Variants in TMEM45A observed in about 807,000 individuals in gnomAD.
The protein encoded by TMEM45A is DNA polymerase-transactivated protein 4.
In TMEM45A, 25 loss-of-function variants were observed where a neutral mutation model predicts 32.0. That is an observed-to-expected ratio of 0.78 (90% CI 0.57 to 1.09). The LOEUF (loss-of-function observed/expected upper bound fraction) is 1.09, where lower values mean the gene tolerates loss of function less well. Ranked by LOEUF, TMEM45A falls within the 50% of genes least tolerant of loss-of-function variation. The pLI, the probability that TMEM45A is intolerant of heterozygous loss-of-function variation, is 0.00. For missense variants in TMEM45A, 302 were observed against 325.0 expected (o/e 0.93, Z 0.54); for synonymous variants, 122 against 114.8 (o/e 1.06, Z -0.40).
chr3:100,519,593 A>G, intron 1 of TMEM45A: 1 of 1,551,046 alleles, frequency 6.4e-7, no homozygotes, highest in Admixed American at 2.0e-5. Flanking sequence ...GGAAAATGGG[A>G]TTTAAACACC....
chr3:100,502,268 A>C (rs62276526), intron 1 of TMEM45A, among the ~76,000 whole-genome samples: 30,752 of 150,432 alleles, frequency 0.2, 3,379 homozygotes, highest in East Asian at 0.33. Flanking sequence ...TTGAGGATCC[A>C]TGTCTTTCTT....
chr3:100,510,018 GC>G (rs533882991), intron 1 of TMEM45A, among the ~76,000 whole-genome samples: 1,854 of 152,316 alleles, frequency 0.012, 25 homozygotes, highest in African/African-American at 0.041. Flanking sequence ...AGATCAAACT[GC>G]AAGGTGGCAG....
chr3:100,567,028 T>C (rs1706455484), intron 4 of TMEM45A, among the ~76,000 whole-genome samples: 1 of 152,080 alleles, frequency 6.6e-6, no homozygotes, highest in African/African-American at 2.4e-5. Flanking sequence ...TGATGGTGCT[T>C]TTGGTGTCGT....
chr3:100,565,000 G>A (rs1706400990), intron 4 of TMEM45A, among the ~76,000 whole-genome samples: 1 of 152,146 alleles, frequency 6.6e-6, no homozygotes, highest in South Asian at 2.1e-4. Context: ...CCTTCGTATT[G>A]CCCCATATGG....
chr3:100,558,399 C>T lies in TMEM45A; in HGVS notation c.404-6C>T. 1 of 1,612,484 alleles carries T rather than the reference C, an allele frequency of 6.2e-7. No individual in the cohort carries two copies. Among genetic ancestry groups the T allele is most frequent in the Non-Finnish European group, 8.5e-7 (1 of 1,179,918 alleles). On this transcript the variant is annotated splice_region_variant and splice_polypyrimidine_tract_variant and intron_variant, in intron 3 of 5. Transcript: ENST00000323523. Reference sequence around the variant, plus strand: ...TGAAAAAGACAATCTGTTTTTTCCCCATCAGCCTTTATCTTCTACAACCAC... The same window carrying T: ...TGAAAAAGACAATCTGTTTTTTCCCTATCAGCCTTTATCTTCTACAACCAC...
In TMEM45A at chr3:100,548,442, C is replaced by G. The variant is rs1230218807; in HGVS notation, c.-3-6767C>G. 8.5e-5 allele frequency among the ~76,000 whole-genome samples: 13 copies of G among 152,200 alleles called. No individual in the cohort carries two copies. The East Asian group carries it at 2.3e-3, about 27-fold the overall frequency. ...TGCTAAGCTGAGAGTGAACGAGAAG[C>G]TCTCTTGCAGACCAGAGCTCTCACT... On this transcript the variant is annotated intron_variant, in intron 1 of 5. Coordinates refer to ENST00000323523, the MANE Select transcript of TMEM45A (RefSeq NM_018004.3).
intron 1 of TMEM45A, among the ~76,000 whole-genome samples, chr3:100,537,847 GA>G (rs1705773482): frequency 1.0e-5 from 1 of 97,636 alleles, no homozygotes; most frequent in African/African-American, 2.8e-5. Flanking sequence ...ACTGCATTTT[GA>G]CTGTACATTG....
intron 1 of TMEM45A, among the ~76,000 whole-genome samples, chr3:100,499,875 C>T (rs7429689): frequency 0.077 from 11,667 of 152,146 alleles, 1,507 homozygotes; most frequent in African/African-American, 0.27. Flanking sequence ...GACAAACAAA[C>T]CAACCAACCC....
intron 1 of TMEM45A, among the ~76,000 whole-genome samples, chr3:100,534,918 C>T (rs1705713783): frequency 6.6e-6 from 1 of 151,946 alleles, no homozygotes; most frequent in South Asian, 2.1e-4. Flanking sequence ...ACACACCTCA[C>T]AGATGCACTC....
intron 1 of TMEM45A, among the ~76,000 whole-genome samples, chr3:100,528,190 A>G (rs1277741102): frequency 6.6e-6 from 1 of 152,224 alleles, no homozygotes; most frequent in Non-Finnish European, 1.5e-5. Context: ...AAGGACAGGA[A>G]CTAAAAACAT....
chr3:100,551,287 A>G (rs1308675443), intron 1 of TMEM45A, among the ~76,000 whole-genome samples: 3 of 152,138 alleles, frequency 2.0e-5, no homozygotes, highest in African/African-American at 7.2e-5. Context: ...TGCTGGGATT[A>G]CAGGCTTGAG....
chr3:100,542,350 A>T (rs1185306792), intron 1 of TMEM45A, among the ~76,000 whole-genome samples: 1 of 152,184 alleles, frequency 6.6e-6, no homozygotes, highest in Non-Finnish European at 1.5e-5. Context: ...TACTAGAAGG[A>T]TCGTAGAAGA....
At position 100,555,365 on chromosome 3, in the gene TMEM45A, T is replaced by G; in HGVS notation, c.154T>G (p.Leu52Val). Residue 52 changes from leucine (L) to valine (V), a missense_variant, in exon 2 of 6, where the codon TTG (leucine) becomes GTG (valine). Leu to Val is a conservative substitution (Grantham distance 32, BLOSUM62 1). Transcript: ENST00000323523. ...AACATTATTCTATCGATTGGAAATT[T>G]TGGAGGGAATTACAATAGTTGGCAT... Reference protein sequence around the residue: ...SKTLFYRLEILEGITIVGMAL... With the variant: ...SKTLFYRLEIVEGITIVGMAL... The G allele has an allele frequency of 6.2e-7, 1 of 1,613,968 alleles. No homozygotes were observed. Among genetic ancestry groups the G allele is most frequent in the Non-Finnish European group, 8.5e-7 (1 of 1,179,920 alleles).
chr3:100,502,939 T>A (rs1236765381), intron 1 of TMEM45A, among the ~76,000 whole-genome samples: 1 of 151,940 alleles, frequency 6.6e-6, no homozygotes, highest in Non-Finnish European at 1.5e-5. Context: ...AGAGGAAGAA[T>A]GGGGAGTTCT....
At position 100,568,696 on chromosome 3, in the gene TMEM45A, A is replaced by G. The variant is rs560690729; in HGVS notation, c.589-126A>G. On this transcript the variant is annotated intron_variant, in intron 4 of 5. Transcript: ENST00000323523. Reference sequence around the variant, plus strand: ...AACAGGCAGCAAAACCTGATGTTTTATCTGTTACATCTTAGATAATTGGAG... The same window carrying G: ...AACAGGCAGCAAAACCTGATGTTTTGTCTGTTACATCTTAGATAATTGGAG... 7.6e-5 allele frequency: 61 copies of G among 804,388 alleles called. No individual in the cohort carries two copies. In the African/African-American group the frequency reaches 1.0e-3, roughly 13 times the overall value. 49.8% of individuals were successfully genotyped at this position (804,388 alleles called of 1,614,324 possible). A position where few individuals can be genotyped will look rare whatever the true frequency, so the allele number is the denominator to read the frequency against.
chr3:100,525,706 G>T (rs1559640557), intron 1 of TMEM45A, among the ~76,000 whole-genome samples: 1 of 152,188 alleles, frequency 6.6e-6, no homozygotes, highest in African/African-American at 2.4e-5. Context: ...GCCTTCCGGG[G>T]AGTATTTCTT....
At chr3:100,495,744 G>A (rs1286641353) in intron 1 of TMEM45A, among the ~76,000 whole-genome samples, 4 of 152,072 alleles carry the variant, frequency 2.6e-5, no homozygotes, top group Non-Finnish European at 5.9e-5. Context: ...TCTGTGTTTT[G>A]GAGTCATTCC....
chr3:100,552,832 A>C (rs2148978832), intron 1 of TMEM45A, among the ~76,000 whole-genome samples: 1 of 152,312 alleles, frequency 6.6e-6, no homozygotes, highest in East Asian at 1.9e-4. Context: ...TAGAAAGAAG[A>C]ATGGATATAT....
At chr3:100,538,454 A>T (rs759556184) in intron 1 of TMEM45A, among the ~76,000 whole-genome samples, 8 of 152,236 alleles carry the variant, frequency 5.3e-5, no homozygotes, top group Non-Finnish European at 1.0e-4. Flanking sequence ...AGCCAACATC[A>T]TACTTTAGTG....
Sources: gnomAD v4.1 joint callset for allele counts (sites outside exome capture counted in the v4.1 genomes callset) on GRCh38, gnomAD v4.1.1 for gene constraint, MANE v1.5 for transcripts, NCBI Gene and HGNC (gene_info 2026-07-23, HGNC 2026-07-21) for gene names.